The following MMP16 variants were observed in gnomAD, a reference collection of about 807,000 sequenced individuals.
MMP16 encodes the protein matrix metalloproteinase-16.
Under a neutral mutation model 67.8 loss-of-function variants are expected in MMP16, and 12 were observed. That is an observed-to-expected ratio of 0.18 (90% confidence interval 0.11 to 0.29). The LOEUF is 0.29. Among genes scored for constraint, MMP16 ranks in the 10% least tolerant of loss-of-function variants. MMP16 has a pLI of 1.00. For synonymous variants in MMP16, 249 were observed against 255.9 expected (o/e 0.97, Z 0.26); for missense variants, 475 against 765.7 (o/e 0.62, Z 4.48).
chr8:88,072,266 T>G (rs1808571471), intron 7 of MMP16, among the ~76,000 whole-genome samples: 1 of 151,970 alleles, frequency 6.6e-6, no homozygotes, highest in South Asian at 2.1e-4. Flanking sequence ...AGGGGGTCAT[T>G]TCACTTCAGA....
At chr8:88,253,130 AC>A (rs1200788011) in intron 1 of MMP16, among the ~76,000 whole-genome samples, 2 of 152,156 alleles carry the variant, frequency 1.3e-5, no homozygotes, top group Non-Finnish European at 2.9e-5. Context: ...GTTTAGAAAC[AC>A]AACTAGAATG....
At chr8:88,177,837 C>A (rs1808917327) in intron 3 of MMP16, among the ~76,000 whole-genome samples, 1 of 152,092 alleles carries the variant, frequency 6.6e-6, no homozygotes, top group Non-Finnish European at 1.5e-5. Context: ...GACTTAATCA[C>A]AGGATTGCAG....
At chr8:88,193,462 A>G (rs576236139) in intron 2 of MMP16, among the ~76,000 whole-genome samples, 108 of 152,140 alleles carry the variant, frequency 7.1e-4, no homozygotes, top group Non-Finnish European at 1.3e-3. Context: ...GTGGGGATAA[A>G]GAGAAGGGGT....
chr8:88,183,784 C>G (rs1331178035), intron 3 of MMP16, among the ~76,000 whole-genome samples: 3 of 135,170 alleles, frequency 2.2e-5, no homozygotes, highest in African/African-American at 8.1e-5. Flanking sequence ...GGCGCGATCT[C>G]GGCTCACTGC....
At chr8:88,129,774 AATG>A (rs1807995868) in intron 4 of MMP16, among the ~76,000 whole-genome samples, 1 of 151,646 alleles carries the variant, frequency 6.6e-6, no homozygotes, top group Admixed American at 6.6e-5. Context: ...ACCTTAATAT[AATG>A]ATGTATTTTT....
intron 1 of MMP16, among the ~76,000 whole-genome samples, chr8:88,270,867 CTTACT>C (rs1810552944): frequency 6.6e-6 from 1 of 152,172 alleles, no homozygotes; most frequent in African/African-American, 2.4e-5. Flanking sequence ...AAAGAACTGC[CTTACT>C]TTAATCGCAA....
Position 88,327,213 on chromosome 8 carries a change from C to CTG in MMP16, c.-9_-8dup. 1 of 1,613,798 alleles carries CTG rather than the reference C, an allele frequency of 6.2e-7. No homozygotes were observed. The highest frequency in any genetic ancestry group is 8.5e-7 in the Non-Finnish European group (1 of 1,179,830). ...TGAATGTGAGTAAGATCATAGTGAA[C>CTG]TGTGCTTCAATGGATGGACGAGCTC... On this transcript the variant is annotated 5_prime_UTR_variant, in exon 1 of 10. Coordinates refer to ENST00000286614, the MANE Select transcript of MMP16 (RefSeq NM_005941.5).
chr8:88,075,341 T>C (rs1290429342), intron 6 of MMP16, among the ~76,000 whole-genome samples: 1 of 152,198 alleles, frequency 6.6e-6, no homozygotes, highest in African/African-American at 2.4e-5. Flanking sequence ...TTGCCTTTCC[T>C]ATCTGCTCTA....
At chr8:88,109,869 G>C (rs939935263) in intron 6 of MMP16, among the ~76,000 whole-genome samples, 1 of 150,796 alleles carries the variant, frequency 6.6e-6, no homozygotes, top group Admixed American at 6.6e-5. Context: ...GGAGTAAAAG[G>C]GTTTTTAAAT....
At chr8:88,143,555 T>A (rs1237852603) in intron 4 of MMP16, among the ~76,000 whole-genome samples, 1 of 152,108 alleles carries the variant, frequency 6.6e-6, no homozygotes, top group Non-Finnish European at 1.5e-5. Context: ...GAATTCATTA[T>A]GTTCTTAAGA....
chr8:88,323,781 C>T (rs1327850385), intron 1 of MMP16, among the ~76,000 whole-genome samples: 1 of 147,734 alleles, frequency 6.8e-6, no homozygotes, highest in Non-Finnish European at 1.5e-5. Context: ...ATGCTCACAG[C>T]ATACCAAAAA....
intron 4 of MMP16, among the ~76,000 whole-genome samples, chr8:88,163,626 T>A (rs754199881): frequency 6.6e-6 from 1 of 152,084 alleles, no homozygotes; most frequent in East Asian, 1.9e-4. Context: ...CTTCTGTAGA[T>A]GCTTGTCTAA....
At chr8:88,119,831 C>T (rs1391112120) in intron 4 of MMP16, among the ~76,000 whole-genome samples, 1 of 152,004 alleles carries the variant, frequency 6.6e-6, no homozygotes, top group African/African-American at 2.4e-5. Context: ...TGTGATTGAA[C>T]ATGAAGGCTA....
chr8:88,169,043 C>T (rs2129706026), intron 3 of MMP16, among the ~76,000 whole-genome samples: 1 of 151,880 alleles, frequency 6.6e-6, no homozygotes, highest in Non-Finnish European at 1.5e-5. Flanking sequence ...AAGAGGATAC[C>T]ATATTCAGGT....
At chr8:88,258,543 A>G (rs1012736210) in intron 1 of MMP16, among the ~76,000 whole-genome samples, 1 of 152,220 alleles carries the variant, frequency 6.6e-6, no homozygotes, top group African/African-American at 2.4e-5. Flanking sequence ...AAATCACTAA[A>G]AAAAGCAAGA....
At chr8:88,293,362 A>C (rs936035017) in intron 1 of MMP16, among the ~76,000 whole-genome samples, 1 of 152,140 alleles carries the variant, frequency 6.6e-6, no homozygotes, top group African/African-American at 2.4e-5. Flanking sequence ...AAAGTTGATG[A>C]TTAATGGATA....
At chr8:88,312,348 C>G (rs779081636) in intron 1 of MMP16, among the ~76,000 whole-genome samples, 1 of 152,114 alleles carries the variant, frequency 6.6e-6, no homozygotes, top group Non-Finnish European at 1.5e-5. Context: ...GAAACCTATT[C>G]TTTTCCATCT....
At chr8:88,294,570 A>T (rs1810983395) in intron 1 of MMP16, among the ~76,000 whole-genome samples, 1 of 151,284 alleles carries the variant, frequency 6.6e-6, no homozygotes, top group Non-Finnish European at 1.5e-5. Context: ...ATACACACAT[A>T]TGTATATATG....
intron 7 of MMP16, among the ~76,000 whole-genome samples, chr8:88,070,869 GA>G (rs949483354): frequency 6.6e-6 from 1 of 151,962 alleles, no homozygotes; most frequent in South Asian, 2.1e-4. Flanking sequence ...TTTTCAGAAG[GA>G]AAGATAAATC....
Sources: allele counts gnomAD v4.1 joint callset (sites outside exome capture counted in the v4.1 genomes callset), GRCh38; gene constraint gnomAD v4.1.1; transcripts MANE v1.5; gene names NCBI Gene and HGNC (gene_info 2026-07-23, HGNC 2026-07-21).